SNX24: variants seen among roughly 807,000 people sequenced by gnomAD.
SNX24 encodes sorting nexin-24.
Under a neutral mutation model 28.7 loss-of-function variants are expected in SNX24, and 22 were observed. The ratio of observed to expected loss-of-function variants is 0.77; its 90% CI spans 0.55 to 1.10. SNX24 has a LOEUF of 1.10. Among genes scored for constraint, SNX24 ranks in the 50% least tolerant of loss-of-function variants. The pLI, the probability that SNX24 is intolerant of heterozygous loss-of-function variation, is 0.00. For synonymous variants in SNX24, 69 were observed against 71.5 expected (o/e 0.96, Z 0.18); for missense variants, 221 against 201.1 (o/e 1.10, Z -0.60).
At chr5:122,851,366 A>G (rs1269280150) in intron 1 of SNX24, among the ~76,000 whole-genome samples, 1 of 152,066 alleles carries the variant, frequency 6.6e-6, no homozygotes, top group Non-Finnish European at 1.5e-5. Flanking sequence ...GAGTTTCATC[A>G]TGTTGGCCAG....
chr5:123,012,642 A>G (rs1260786107), downstream of SNX24, among the ~76,000 whole-genome samples: 1 of 152,198 alleles, frequency 6.6e-6, no homozygotes, highest in Non-Finnish European at 1.5e-5. Context: ...AAAATGGTTA[A>G]AATAAATTTT....
At chr5:122,975,623 G>A (rs1243879707) in intron 3 of SNX24, among the ~76,000 whole-genome samples, 3 of 152,120 alleles carry the variant, frequency 2.0e-5, no homozygotes, top group Admixed American at 1.3e-4. Context: ...ATATGACAAA[G>A]ATCTGATTCC....
chr5:122,909,787 T>G (rs899849588), intron 1 of SNX24, among the ~76,000 whole-genome samples: 1 of 152,198 alleles, frequency 6.6e-6, no homozygotes, highest in Admixed American at 6.5e-5. Context: ...TGCTGCCCAC[T>G]CAGCCCCAGC....
chr5:122,895,723 A>G (rs1757171355), intron 1 of SNX24, among the ~76,000 whole-genome samples: 3 of 152,238 alleles, frequency 2.0e-5, no homozygotes, highest in Admixed American at 6.5e-5. Flanking sequence ...ATGTTCCTCA[A>G]CTAGCCTAAG....
chr5:122,907,832 G>A (rs866189513), intron 1 of SNX24, among the ~76,000 whole-genome samples: 5 of 151,404 alleles, frequency 3.3e-5, no homozygotes, highest in Admixed American at 6.6e-5. Context: ...TCTTAACACC[G>A]TGGTATAAAA....
At chr5:122,991,264 G>T (rs1761837052) in intron 3 of SNX24, among the ~76,000 whole-genome samples, 1 of 151,878 alleles carries the variant, frequency 6.6e-6, no homozygotes, top group South Asian at 2.1e-4. Context: ...CTTAAATCCT[G>T]GCATTATCTA....
chr5:123,010,514 C>T (rs1762553181), downstream of SNX24, among the ~76,000 whole-genome samples: 1 of 152,132 alleles, frequency 6.6e-6, no homozygotes, highest in Non-Finnish European at 1.5e-5. Flanking sequence ...GTCTTGAACT[C>T]CTGACCTCGT....
intron 1 of SNX24, among the ~76,000 whole-genome samples, chr5:122,922,984 A>G (rs886253210): frequency 6.6e-6 from 1 of 152,180 alleles, no homozygotes; most frequent in Non-Finnish European, 1.5e-5. Context: ...TAAACCATGC[A>G]TATCCTGGGA....
downstream of SNX24, among the ~76,000 whole-genome samples, chr5:123,010,752 A>G (rs1762558129): frequency 6.6e-6 from 1 of 152,154 alleles, no homozygotes; most frequent in Non-Finnish European, 1.5e-5. Context: ...TTTGAGTAAT[A>G]TTTCATCTAC....
chr5:122,949,545 G>A (rs962397159), intron 3 of SNX24, among the ~76,000 whole-genome samples: 3 of 152,124 alleles, frequency 2.0e-5, no homozygotes, highest in Admixed American at 2.0e-4. Flanking sequence ...AATTGCCACA[G>A]TGTAAATAAT....
At chr5:122,977,311 AC>A (rs534975722) in intron 3 of SNX24, among the ~76,000 whole-genome samples, 1 of 151,838 alleles carries the variant, frequency 6.6e-6, no homozygotes, top group Non-Finnish European at 1.5e-5. Flanking sequence ...CAATCTATCA[AC>A]CCTCTCTTGC....
intron 1 of SNX24, among the ~76,000 whole-genome samples, chr5:122,922,411 C>G (rs1484639153): frequency 6.6e-6 from 1 of 152,016 alleles, no homozygotes; most frequent in Non-Finnish European, 1.5e-5. Flanking sequence ...TGCCATCATG[C>G]CCGGCTAATT....
intron 1 of SNX24, among the ~76,000 whole-genome samples, chr5:122,859,847 A>G (rs1382039790): frequency 1.3e-5 from 2 of 152,188 alleles, no homozygotes; most frequent in Non-Finnish European, 2.9e-5. Context: ...TCAAAGCCAA[A>G]AGCTTCTAGG....
At chr5:122,914,260 T>C (rs1242351512) in intron 1 of SNX24, among the ~76,000 whole-genome samples, 1 of 152,254 alleles carries the variant, frequency 6.6e-6, no homozygotes, top group Admixed American at 6.5e-5. Context: ...TTGATCATGA[T>C]GGATAAGCTT....
intron 3 of SNX24, among the ~76,000 whole-genome samples, chr5:122,990,711 A>T (rs1291080790): frequency 1.3e-5 from 2 of 152,188 alleles, no homozygotes; most frequent in Non-Finnish European, 2.9e-5. Flanking sequence ...TGTTTCTTCT[A>T]TAAAGTAGTA....
At chr5:123,021,539 TC>T (rs1287759626) in intron 5 of SNX24, among the ~76,000 whole-genome samples, 7 of 152,210 alleles carry the variant, frequency 4.6e-5, no homozygotes, top group Non-Finnish European at 1.0e-4. Flanking sequence ...CTAAAGCCAG[TC>T]CCAGGAGTGA....
chr5:122,937,415 G>A (rs1759225477), intron 2 of SNX24, among the ~76,000 whole-genome samples: 1 of 152,150 alleles, frequency 6.6e-6, no homozygotes, highest in African/African-American at 2.4e-5. Flanking sequence ...AAACAGAAAG[G>A]CAAAAGGAAG....
At chr5:122,894,071 C>G (rs1431920453) in intron 1 of SNX24, among the ~76,000 whole-genome samples, 3 of 151,040 alleles carry the variant, frequency 2.0e-5, no homozygotes, top group African/African-American at 7.3e-5. Context: ...ATTATTTGTT[C>G]TGTATTGTTA....
chr5:122,869,430 A>G (rs1480033182), intron 1 of SNX24, among the ~76,000 whole-genome samples: 3 of 152,232 alleles, frequency 2.0e-5, no homozygotes, highest in Admixed American at 1.3e-4. Flanking sequence ...ATTAGTGTAC[A>G]TTTGATTTAT....
Sources: gnomAD v4.1 joint callset for allele counts (sites outside exome capture counted in the v4.1 genomes callset) on GRCh38, gnomAD v4.1.1 for gene constraint, MANE v1.5 for transcripts, NCBI Gene and HGNC (gene_info 2026-07-23, HGNC 2026-07-21) for gene names.